DCC: variants seen among roughly 807,000 people sequenced by gnomAD.
DCC encodes DCC netrin 1 receptor.
In DCC, 58 loss-of-function variants were observed where a neutral mutation model predicts 172.5. The observed-to-expected ratio is 0.34, with a 90% confidence interval of 0.27 to 0.42. The LOEUF (loss-of-function observed/expected upper bound fraction) is 0.42. Ranked by LOEUF, DCC falls within the 10% of genes least tolerant of loss-of-function variation. The probability of loss-of-function intolerance (pLI) is 1.00; values close to 1 mark genes in which losing one functional copy is unlikely to be tolerated. For missense variants in DCC, 1,740 were observed against 1,791.0 expected (o/e 0.97, Z 0.51); for synonymous variants, 709 against 644.5 (o/e 1.10, Z -1.52).
At chr18:53,121,261 T>C (rs1166943603) in intron 7 of DCC, among the ~76,000 whole-genome samples, 1 of 151,872 alleles carries the variant, frequency 6.6e-6, no homozygotes, top group East Asian at 1.9e-4. Context: ...TTTCCAAAGG[T>C]AAACTAGGGA....
intron 1 of DCC, among the ~76,000 whole-genome samples, chr18:52,667,401 A>G (rs1368160753): frequency 6.6e-6 from 1 of 152,248 alleles, no homozygotes; most frequent in Non-Finnish European, 1.5e-5. Context: ...CCTTCCAACC[A>G]TGACACGAGT....
intron 2 of DCC, among the ~76,000 whole-genome samples, chr18:52,861,958 G>T (rs28822074): frequency 5.5e-4 from 84 of 152,204 alleles, no homozygotes; most frequent in African/African-American, 1.9e-3. Flanking sequence ...AAAAGACTTA[G>T]AATAGCCACG....
At chr18:52,639,085 T>C (rs890177951) in intron 1 of DCC, among the ~76,000 whole-genome samples, 12 of 152,094 alleles carry the variant, frequency 7.9e-5, no homozygotes, top group Non-Finnish European at 4.4e-5. Flanking sequence ...AAAATCAAGA[T>C]GGAAATTTAA....
At chr18:53,052,246 C>T (rs920391379) in intron 5 of DCC, among the ~76,000 whole-genome samples, 10 of 152,022 alleles carry the variant, frequency 6.6e-5, no homozygotes, top group African/African-American at 2.4e-4. Context: ...AGTCTTTGAC[C>T]TCTAGCTCTA....
intron 22 of DCC, among the ~76,000 whole-genome samples, chr18:53,449,111 T>A (rs1044986974): frequency 6.6e-6 from 1 of 152,182 alleles, no homozygotes; most frequent in African/African-American, 2.4e-5. Flanking sequence ...TTGCTCAAGA[T>A]GTATAGAAAA....
At chr18:53,033,592 C>T (rs2042053603) in intron 5 of DCC, among the ~76,000 whole-genome samples, 1 of 152,092 alleles carries the variant, frequency 6.6e-6, no homozygotes, top group South Asian at 2.1e-4. Flanking sequence ...GTTCCCATTC[C>T]TCCTTGAGAC....
chr18:52,436,645 C>T (rs1196434424), intron 1 of DCC, among the ~76,000 whole-genome samples: 1 of 152,228 alleles, frequency 6.6e-6, no homozygotes, highest in African/African-American at 2.4e-5. Flanking sequence ...TGGTGGCTCA[C>T]ACCTGTAATT....
chr18:52,412,687 G>T (rs895464461), intron 1 of DCC, among the ~76,000 whole-genome samples: 1 of 152,002 alleles, frequency 6.6e-6, no homozygotes, highest in East Asian at 1.9e-4. Context: ...ATACTTCAAT[G>T]GTTCTAACTT....
Position 52,587,078 on chromosome 18 carries a change from AT to A in DCC, c.92-164974del, listed in dbSNP as rs1027700621. On this transcript the variant is annotated intron_variant, in intron 1 of 28. Transcript: ENST00000442544. ...AAACCCATAGCCGTAGTAAGTGTGT[AT>A]TCCAGTGAGGACAAACCTCTGCCCT... Among the ~76,000 whole-genome samples the A allele has an allele frequency of 1.3e-3, 194 of 152,346 alleles. 3 individuals carry two copies. The highest frequency in any genetic ancestry group is 4.6e-3 in the African/African-American group (192 of 41,582).
intron 1 of DCC, among the ~76,000 whole-genome samples, chr18:52,501,600 C>T (rs1236323306): frequency 2.0e-5 from 3 of 152,050 alleles, no homozygotes; most frequent in African/African-American, 4.8e-5. Flanking sequence ...GACTTTTCAC[C>T]GATGAGGAAA....
At chr18:52,700,196 GCACATA>G (rs1253798924) in intron 1 of DCC, among the ~76,000 whole-genome samples, 3 of 112,480 alleles carry the variant, frequency 2.7e-5, no homozygotes, top group Admixed American at 1.8e-4. Context: ...GCACACACAC[GCACATA>G]CACACATGCA....
intron 1 of DCC, among the ~76,000 whole-genome samples, chr18:52,372,161 G>A (rs1985148841): frequency 6.6e-6 from 1 of 152,192 alleles, no homozygotes; most frequent in African/African-American, 2.4e-5. Context: ...CAACTACAAA[G>A]AGCTGGATAT....
At chr18:53,265,285 C>A (rs190944629) in intron 12 of DCC, among the ~76,000 whole-genome samples, 34 of 152,256 alleles carry the variant, frequency 2.2e-4, no homozygotes, top group Admixed American at 9.8e-4. Flanking sequence ...CTCAATATTA[C>A]TAATAGAGGT....
At chr18:52,478,072 A>G (rs1054063486) in intron 1 of DCC, among the ~76,000 whole-genome samples, 2 of 152,092 alleles carry the variant, frequency 1.3e-5, no homozygotes, top group African/African-American at 4.8e-5. Context: ...GGCCTCACAA[A>G]GTATTGGAAT....
chr18:53,010,682 GTACA>G (rs2041716122), intron 5 of DCC, among the ~76,000 whole-genome samples: 1 of 149,946 alleles, frequency 6.7e-6, no homozygotes, highest in African/African-American at 2.4e-5. Flanking sequence ...CTATATTTAG[GTACA>G]TACATAATAT....
intron 2 of DCC, among the ~76,000 whole-genome samples, chr18:52,904,658 C>A (rs1003520257): frequency 3.9e-5 from 6 of 152,014 alleles, no homozygotes; most frequent in African/African-American, 1.2e-4. Flanking sequence ...AAAATTTAAA[C>A]CTGGACCTGG....
intron 1 of DCC, among the ~76,000 whole-genome samples, chr18:52,549,284 C>G (rs2032698506): frequency 6.6e-6 from 1 of 152,044 alleles, no homozygotes; most frequent in Admixed American, 6.6e-5. Context: ...CCTGTGTACA[C>G]TGGAGATACG....
intron 1 of DCC, among the ~76,000 whole-genome samples, chr18:52,745,099 T>C (rs2036886331): frequency 1.3e-5 from 2 of 152,226 alleles, no homozygotes; most frequent in Admixed American, 1.3e-4. Context: ...AGATTAGGTA[T>C]TGTAAACAAT....
At chr18:53,297,813 T>C (rs12961446) in intron 12 of DCC, among the ~76,000 whole-genome samples, 15,690 of 152,258 alleles carry the variant, frequency 0.1, 929 homozygotes, top group Middle Eastern at 0.17. Flanking sequence ...AGCTGTATCA[T>C]CTACTAAAGA....
Sources: gnomAD v4.1 joint callset for allele counts (sites outside exome capture counted in the v4.1 genomes callset) on GRCh38, gnomAD v4.1.1 for gene constraint, MANE v1.5 for transcripts, NCBI Gene and HGNC (gene_info 2026-07-23, HGNC 2026-07-21) for gene names.